ARHGAP22: variants seen among roughly 807,000 people sequenced by gnomAD.
The protein encoded by ARHGAP22 is rho GTPase-activating protein 22.
In ARHGAP22, 48 loss-of-function variants were observed where a neutral mutation model predicts 59.1. The ratio of observed to expected loss-of-function variants is 0.81; its 90% CI spans 0.64 to 1.03. The LOEUF (loss-of-function observed/expected upper bound fraction) is 1.03. ARHGAP22 is among the 50% of genes least tolerant of loss of function. ARHGAP22 has a pLI of 0.00. For missense variants in ARHGAP22, 1,015 were observed against 958.7 expected (o/e 1.06, Z -0.78); for synonymous variants, 445 against 416.4 (o/e 1.07, Z -0.84).
chr10:48,449,930 G>A (rs1460559860), intron 9 of ARHGAP22, among the ~76,000 whole-genome samples: 1 of 152,232 alleles, frequency 6.6e-6, no homozygotes, highest in Non-Finnish European at 1.5e-5. Context: ...CTGCCTCCAG[G>A]GGCCGCCCCC....
intron 2 of ARHGAP22, among the ~76,000 whole-genome samples, chr10:48,567,229 C>A (rs749165024): frequency 2.6e-5 from 4 of 152,202 alleles, no homozygotes; most frequent in Non-Finnish European, 5.9e-5. Flanking sequence ...TGCAGAAGAC[C>A]CTGTGGTTGA....
At chr10:48,498,942 T>G (rs1045173149) in intron 3 of ARHGAP22, among the ~76,000 whole-genome samples, 9 of 151,744 alleles carry the variant, frequency 5.9e-5, no homozygotes, top group Non-Finnish European at 1.3e-4. Context: ...GGGGAGCTTC[T>G]TGGAGGGACA....
intron 3 of ARHGAP22, among the ~76,000 whole-genome samples, 159 bp downstream of exon 3, chr10:48,555,304 T>C (rs1408529272): frequency 2.0e-5 from 3 of 152,226 alleles, no homozygotes; most frequent in Non-Finnish European, 4.4e-5. Flanking sequence ...TTCTTCCCCA[T>C]GTGAGTATGC....
Position 48,453,400 on chromosome 10 carries a change from A to C in ARHGAP22, c.892T>G (p.Ser298Ala), listed in dbSNP as rs1230513538. ...CKFLDEVQAYSNVNKMSVQNL... is the reference protein window; with the variant it reads ...CKFLDEVQAYANVNKMSVQNL... Reference sequence around the variant, plus strand: ...TGGACACTCATCTTGTTGACATTTGAGTATGCCTGAACTTCATCCAGAAAC... The same window carrying C: ...TGGACACTCATCTTGTTGACATTTGCGTATGCCTGAACTTCATCCAGAAAC... The change falls in exon 8 of 10, where the codon TCA becomes GCA. Residue 298 changes from serine to alanine, a missense_variant. Transcript: ENST00000249601. 5.6e-6 allele frequency: 9 copies of C among 1,613,824 alleles called. No individual in the cohort carries two copies. Among genetic ancestry groups the C allele is most frequent in the Non-Finnish European group, 1.7e-6 (2 of 1,179,926 alleles).
At chr10:48,608,948 A>C (rs2060777432), upstream of ARHGAP22, among the ~76,000 whole-genome samples, 1 of 152,208 alleles carries the variant, frequency 6.6e-6, no homozygotes, top group Admixed American at 6.5e-5. Context: ...TATTGTTTCT[A>C]CATGGTGGAT....
chr10:48,451,699 A>C (rs868036622), intron 8 of ARHGAP22: 2 of 551,954 alleles, frequency 3.6e-6, no homozygotes, highest in African/African-American at 5.7e-5. Context: ...AATGCACCCC[A>C]TCCACCCCCA....
In ARHGAP22 at chr10:48,459,679, C is replaced by G; in HGVS notation, c.659+5G>C. ...GCTCCACCTTACCCCCGATCACAAGCTCACCTGTCAAACAGTGGCTTCTCC... is the reference window on the plus strand; with the variant it reads ...GCTCCACCTTACCCCCGATCACAAGGTCACCTGTCAAACAGTGGCTTCTCC... On this transcript the variant is annotated splice_donor_5th_base_variant and intron_variant, in intron 5 of 9. Coordinates refer to ENST00000249601, the MANE Select transcript of ARHGAP22 (RefSeq NM_021226.4). The G allele has an allele frequency of 6.2e-7, 1 of 1,614,116 alleles. No individual in the cohort carries two copies. Among genetic ancestry groups the G allele is most frequent in the Non-Finnish European group, 8.5e-7 (1 of 1,179,986 alleles).
chr10:48,629,361 C>A (rs183557813), intron 1 of ARHGAP22, among the ~76,000 whole-genome samples: 1 of 152,198 alleles, frequency 6.6e-6, no homozygotes, highest in Non-Finnish European at 1.5e-5. Flanking sequence ...GGGTGTCAAT[C>A]CCAAGGTTTT....
At chr10:48,479,467 G>T in intron 4 of ARHGAP22, 169 bp downstream of exon 4, 1 of 1,234,556 alleles carries the variant, frequency 8.1e-7, no homozygotes, top group Non-Finnish European at 1.1e-6. Context: ...GGCAGCCGTT[G>T]GGTGACTCCC....
the ARHGAP22 span, among the ~76,000 whole-genome samples, chr10:48,433,807 G>A: frequency 1.9e-3 from 292 of 152,352 alleles, 1 homozygote; most frequent in African/African-American, 6.6e-3. Flanking sequence ...TTCAGGAGCA[G>A]TGGTTTTCAG....
intron 1 of ARHGAP22, among the ~76,000 whole-genome samples, chr10:48,590,387 A>C (rs1358270287): frequency 6.6e-6 from 1 of 152,030 alleles, no homozygotes; most frequent in Non-Finnish European, 1.5e-5. Context: ...AGGGGGTCAG[A>C]GGTTAGCATG....
upstream of ARHGAP22, among the ~76,000 whole-genome samples, chr10:48,606,942 C>A (rs2060702850): frequency 6.6e-6 from 1 of 152,184 alleles, no homozygotes; most frequent in Admixed American, 6.5e-5. Flanking sequence ...CAAGAAACAC[C>A]ACTGAATGAC....
intron 4 of ARHGAP22, among the ~76,000 whole-genome samples, chr10:48,474,188 T>C (rs1056591055): frequency 6.6e-6 from 1 of 152,226 alleles, no homozygotes; most frequent in Non-Finnish European, 1.5e-5. Flanking sequence ...AATTTATCCC[T>C]AAGTATTTTA....
chr10:48,567,231 T>C (rs1190410620), intron 2 of ARHGAP22, among the ~76,000 whole-genome samples: 1 of 152,224 alleles, frequency 6.6e-6, no homozygotes, highest in Admixed American at 6.5e-5. Flanking sequence ...CAGAAGACCC[T>C]GTGGTTGAGG....
At chr10:48,440,455 C>A in the ARHGAP22 span, among the ~76,000 whole-genome samples, 1 of 152,030 alleles carries the variant, frequency 6.6e-6, no homozygotes, top group Non-Finnish European at 1.5e-5. Context: ...AAGGACCTGG[C>A]CACAGGGATT....
At chr10:48,490,741 C>T (rs530365697) in intron 3 of ARHGAP22, among the ~76,000 whole-genome samples, 1 of 152,192 alleles carries the variant, frequency 6.6e-6, no homozygotes, top group Non-Finnish European at 1.5e-5. Context: ...CGTTCTCAGG[C>T]GTTAAATGCT....
intron 1 of ARHGAP22, among the ~76,000 whole-genome samples, chr10:48,647,177 T>A (rs1445448487): frequency 1.3e-5 from 2 of 152,140 alleles, no homozygotes; most frequent in Non-Finnish European, 2.9e-5. Flanking sequence ...GTGGATCACC[T>A]AAAGTCAGGA....
intron 3 of ARHGAP22, chr10:48,524,013 C>T: frequency 1.4e-6 from 2 of 1,442,416 alleles, no homozygotes; most frequent in Non-Finnish European, 1.8e-6. Context: ...CCTCTGGCGG[C>T]GGCCGCAGGG....
At chr10:48,537,472 G>T (rs2055475269) in intron 3 of ARHGAP22, among the ~76,000 whole-genome samples, 1 of 152,250 alleles carries the variant, frequency 6.6e-6, no homozygotes, top group African/African-American at 2.4e-5. Flanking sequence ...CATCAGGGGA[G>T]GCCTGGTTCT....
Sources: allele counts gnomAD v4.1 joint callset (sites outside exome capture counted in the v4.1 genomes callset), GRCh38; gene constraint gnomAD v4.1.1; transcripts MANE v1.5; gene names NCBI Gene and HGNC (gene_info 2026-07-23, HGNC 2026-07-21).